The following RAMP3 variants were observed in gnomAD, a reference collection of about 807,000 sequenced individuals.
RAMP3 encodes receptor activity modifying protein 3.
In RAMP3, 14 loss-of-function variants were observed where a neutral mutation model predicts 13.5. That is an observed-to-expected ratio of 1.04 (90% CI 0.69 to 1.63). The LOEUF (loss-of-function observed/expected upper bound fraction) is 1.63, where lower values mean the gene tolerates loss of function less well. RAMP3 is among the 40% of genes most tolerant of loss of function. The pLI is 0.00. For synonymous variants in RAMP3, 106 were observed against 88.3 expected, an observed-to-expected ratio of 1.20 and a Z score of -1.12; for missense variants, 200 against 204.8, an observed-to-expected ratio of 0.98 and a Z score of 0.14.
In RAMP3 at chr7:45,183,882, A is replaced by G. The variant is rs1584081676; in HGVS notation, c.*470A>G. The G allele has an allele frequency of 2.3e-6, 1 of 431,074 alleles. No individual in the cohort carries two copies. Among genetic ancestry groups the G allele is most frequent in the East Asian group, 3.2e-5 (1 of 30,802 alleles). 26.7% of individuals were successfully genotyped at this position (431,074 alleles called of 1,614,324 possible). On this transcript the variant is annotated 3_prime_UTR_variant, in exon 3 of 3. Transcript: ENST00000242249. ...CCCCAGCTCCTGCCTACATCCAGGC[A>G]GAAAGATAGGCAGGGGCTCTTGGAA...
intron 1 of RAMP3, among the ~76,000 whole-genome samples, chr7:45,167,836 A>T (rs56310341): frequency 0.26 from 39,737 of 151,500 alleles, 6,279 homozygotes; most frequent in African/African-American, 0.44. Flanking sequence ...TCCACCCGCC[A>T]TGGCCTCCCA....
chr7:45,160,206 C>A (rs972618133), intron 1 of RAMP3, among the ~76,000 whole-genome samples: 2 of 151,496 alleles, frequency 1.3e-5, no homozygotes, highest in Non-Finnish European at 2.9e-5. Flanking sequence ...GTGGTGCATA[C>A]CTGTAGTCTC....
At chr7:45,168,320 C>T (rs978839814) in intron 1 of RAMP3, among the ~76,000 whole-genome samples, 2 of 148,766 alleles carry the variant, frequency 1.3e-5, no homozygotes, top group Admixed American at 6.8e-5. Context: ...GCATGAGAAT[C>T]CCTTGAACCT....
chr7:45,170,240 T>C (rs527369583), intron 1 of RAMP3, among the ~76,000 whole-genome samples: 1 of 152,164 alleles, frequency 6.6e-6, no homozygotes, highest in Non-Finnish European at 1.5e-5. Context: ...TCTTCCTTTC[T>C]TCTGCTGTCT....
chr7:45,183,496 A>T lies in RAMP3; in HGVS notation c.*84A>T. 6.4e-7 allele frequency: 1 copy of T among 1,554,828 alleles called. No homozygotes were observed. The highest frequency in any genetic ancestry group is 8.7e-7 in the Non-Finnish European group (1 of 1,148,060). ...ATGGGAGAGCGGGTGGGTGCTGCCA[A>T]TCTCCAGCTACTGTGGCCACACCCC... On this transcript the variant is annotated 3_prime_UTR_variant, in exon 3 of 3. Transcript: ENST00000242249.
At chr7:45,165,891 A>G (rs919644056) in intron 1 of RAMP3, among the ~76,000 whole-genome samples, 1 of 152,234 alleles carries the variant, frequency 6.6e-6, no homozygotes, top group Admixed American at 6.5e-5. Context: ...TGTACAAATA[A>G]TATTCTATCA....
intron 1 of RAMP3, among the ~76,000 whole-genome samples, chr7:45,167,148 G>A (rs1785979009): frequency 6.6e-6 from 1 of 152,018 alleles, no homozygotes; most frequent in Non-Finnish European, 1.5e-5. Context: ...TAGTAGAGAC[G>A]CGGTTTCAGT....
chr7:45,160,113 T>C (rs1223971542), intron 1 of RAMP3, among the ~76,000 whole-genome samples: 1 of 151,670 alleles, frequency 6.6e-6, no homozygotes, highest in Non-Finnish European at 1.5e-5. Context: ...CGGGCAGATC[T>C]CGAGGTCAGG....
chr7:45,171,259 G>A (rs1278870827), intron 1 of RAMP3, among the ~76,000 whole-genome samples: 2 of 151,734 alleles, frequency 1.3e-5, no homozygotes, highest in South Asian at 2.1e-4. Flanking sequence ...GGGTTCAAGC[G>A]ATTCTCCTGC....
At chr7:45,178,409 G>A (rs1329648297) in intron 2 of RAMP3, among the ~76,000 whole-genome samples, 1 of 152,198 alleles carries the variant, frequency 6.6e-6, no homozygotes, top group African/African-American at 2.4e-5. Context: ...AAATGTGCTG[G>A]CCTCATGCTT....
intron 2 of RAMP3, 43 bp downstream of exon 2, chr7:45,177,484 GCTGCCCA>G (rs745600495): frequency 2.0e-5 from 32 of 1,610,754 alleles, no homozygotes; most frequent in Admixed American, 3.3e-5. Flanking sequence ...TGACCACAGC[GCTGCCCA>G]CTGCCCAACC....
chr7:45,178,349 C>T (rs1354899240), intron 2 of RAMP3, among the ~76,000 whole-genome samples: 3 of 152,222 alleles, frequency 2.0e-5, no homozygotes, highest in Admixed American at 6.5e-5. Flanking sequence ...CCCACTCCAC[C>T]TCTGGCTTTG....
At position 45,183,761 on chromosome 7, in the gene RAMP3, G is replaced by T; in HGVS notation, c.*349G>T. On this transcript the variant is annotated 3_prime_UTR_variant, in exon 3 of 3. Coordinates refer to ENST00000242249, the MANE Select transcript of RAMP3 (RefSeq NM_005856.3). Reference sequence around the variant, plus strand: ...GGTTTCTATGCTGTTTCTTAGCACAGAATCCAGCCTAGCCTTAGCCGCAGT... The same window carrying T: ...GGTTTCTATGCTGTTTCTTAGCACATAATCCAGCCTAGCCTTAGCCGCAGT... 1 of 553,214 alleles carries T rather than the reference G, an allele frequency of 1.8e-6. No homozygotes were observed. The highest frequency in any genetic ancestry group is 3.2e-6 in the Non-Finnish European group (1 of 311,850). 34.3% of individuals were successfully genotyped at this position (553,214 alleles called of 1,614,324 possible).
At chr7:45,161,385 G>A (rs1785862939) in intron 1 of RAMP3, among the ~76,000 whole-genome samples, 1 of 152,132 alleles carries the variant, frequency 6.6e-6, no homozygotes, top group Non-Finnish European at 1.5e-5. Context: ...GAGAATAATA[G>A]TTGCCTGAGG....
At chr7:45,167,571 T>A (rs1350970247) in intron 1 of RAMP3, among the ~76,000 whole-genome samples, 3 of 150,538 alleles carry the variant, frequency 2.0e-5, no homozygotes, top group African/African-American at 7.4e-5. Flanking sequence ...TTTTTTTTTT[T>A]TTTATTTTTG....
chr7:45,174,489 G>A (rs1584073597), intron 1 of RAMP3, among the ~76,000 whole-genome samples: 2 of 152,292 alleles, frequency 1.3e-5, no homozygotes, highest in South Asian at 4.1e-4. Flanking sequence ...CTTGCTCCAC[G>A]CTCCTTCTGC....
intron 1 of RAMP3, among the ~76,000 whole-genome samples, chr7:45,160,511 A>ACCC (rs1785844442): frequency 6.6e-6 from 1 of 152,056 alleles, no homozygotes; most frequent in Non-Finnish European, 1.5e-5. Context: ...GAAGTTGCCC[A>ACCC]ACCACAGAGA....
At chr7:45,166,757 C>T (rs1157092729) in intron 1 of RAMP3, among the ~76,000 whole-genome samples, 1 of 151,952 alleles carries the variant, frequency 6.6e-6, no homozygotes, top group Non-Finnish European at 1.5e-5. Context: ...AAGATTTTCT[C>T]CTGTATTTTT....
intron 2 of RAMP3, among the ~76,000 whole-genome samples, chr7:45,179,852 G>A (rs2128658600): frequency 6.6e-6 from 1 of 152,262 alleles, no homozygotes; most frequent in East Asian, 1.9e-4. Flanking sequence ...TGGAAACAAA[G>A]GAAAACTTCT....
Sources: gnomAD v4.1 joint callset for allele counts (sites outside exome capture counted in the v4.1 genomes callset) on GRCh38, gnomAD v4.1.1 for gene constraint, MANE v1.5 for transcripts, NCBI Gene and HGNC (gene_info 2026-07-23, HGNC 2026-07-21) for gene names.